SSH2: variants seen among roughly 807,000 people sequenced by gnomAD.
SSH2 encodes protein phosphatase Slingshot homolog 2.
Under a neutral mutation model 135.2 loss-of-function variants are expected in SSH2, and 37 were observed. The ratio of observed to expected loss-of-function variants is 0.27; its 90% confidence interval spans 0.21 to 0.36. SSH2 has a LOEUF of 0.36. SSH2 is among the 10% of genes least tolerant of loss of function. SSH2 has a pLI of 1.00. For synonymous variants in SSH2, 628 were observed against 646.2 expected (o/e 0.97, Z 0.43); for missense variants, 1,408 against 1,765.3 (o/e 0.80, Z 3.63).
chr17:29,809,667 C>A (rs1416752972), intron 2 of SSH2, among the ~76,000 whole-genome samples: 1 of 152,046 alleles, frequency 6.6e-6, no homozygotes, highest in Non-Finnish European at 1.5e-5. Flanking sequence ...GAGATTCCCC[C>A]ACCTCAGCCT....
chr17:29,647,295 C>T (rs112038012), intron 14 of SSH2, among the ~76,000 whole-genome samples: 9 of 149,844 alleles, frequency 6.0e-5, no homozygotes, highest in South Asian at 2.1e-4. Flanking sequence ...AAGGTTGCAG[C>T]GAGCCGAGAC....
chr17:29,654,506 G>A (rs1214600862), intron 12 of SSH2, among the ~76,000 whole-genome samples: 1 of 152,150 alleles, frequency 6.6e-6, no homozygotes, highest in African/African-American at 2.4e-5. Flanking sequence ...TGAGAAAACA[G>A]GCAGCCAGCA....
Position 29,671,972 on chromosome 17 carries a change from A to T in SSH2, c.772T>A (p.Ser258Thr), listed in dbSNP as rs199948915. ...AGAGCTGGAGAGTCGGGCCGGTGGG[A>T]CTGTACATCTTGCATTGCATTCCAT... The part of the protein sequence containing the change: ...NEWNAMQDVQ[S>T]HRPDSPALFT... Residue 258 changes from serine to threonine, a missense_variant, in exon 9 of 16, where the codon TCC becomes ACC. Around this residue, in one of 3 missense-constraint regions of SSH2, gnomAD observed 222 missense variants for 355.6 expected, o/e 0.62. Coordinates refer to ENST00000540801, the MANE Select transcript of SSH2 (RefSeq NM_001282129.2). 1 of 1,614,062 alleles carries T rather than the reference A, an allele frequency of 6.2e-7. No homozygotes were observed. Among genetic ancestry groups the T allele is most frequent in the Non-Finnish European group, 8.5e-7 (1 of 1,179,970 alleles).
At chr17:29,893,000 C>A (rs1489693437) in intron 1 of SSH2, among the ~76,000 whole-genome samples, 1 of 152,090 alleles carries the variant, frequency 6.6e-6, no homozygotes, top group East Asian at 1.9e-4. Flanking sequence ...ACAGTCTCTA[C>A]TTGCTACTTT....
intron 1 of SSH2, among the ~76,000 whole-genome samples, chr17:29,879,413 G>A (rs1303647511): frequency 2.0e-5 from 3 of 146,798 alleles, no homozygotes; most frequent in Non-Finnish European, 4.5e-5. Context: ...TTTTTAGAGC[G>A]CTTTTAGGTT....
intron 14 of SSH2, among the ~76,000 whole-genome samples, chr17:29,637,451 A>AT (rs1245637821): frequency 1.3e-5 from 2 of 151,910 alleles, no homozygotes; most frequent in Non-Finnish European, 2.9e-5. Flanking sequence ...TCCTTAATAC[A>AT]TTTTTCTTGG....
chr17:29,815,736 G>A (rs1280536726), intron 2 of SSH2, among the ~76,000 whole-genome samples: 1 of 152,162 alleles, frequency 6.6e-6, no homozygotes, highest in African/African-American at 2.4e-5. Flanking sequence ...CTCCTTCTTT[G>A]TACAGCAGCT....
In SSH2 at chr17:29,785,918, C is replaced by A. The variant is rs570755375; in HGVS notation, c.188+7976G>T. Among the ~76,000 whole-genome samples, 6 of 152,016 alleles carry A rather than the reference C, an allele frequency of 3.9e-5. No individual in the cohort carries two copies. In the East Asian group the frequency reaches 9.7e-4, roughly 25 times the overall value. On this transcript the variant is annotated intron_variant, in intron 3 of 15. Transcript: ENST00000540801. ...CTCCTGGGTTCACACCATTCTCCTGCCTCAGCCTCCCCAGTAGCTGGGATT... is the reference window on the plus strand; with the variant it reads ...CTCCTGGGTTCACACCATTCTCCTGACTCAGCCTCCCCAGTAGCTGGGATT...
intron 1 of SSH2, among the ~76,000 whole-genome samples, chr17:29,926,569 A>C (rs944690733): frequency 6.6e-6 from 1 of 151,774 alleles, no homozygotes; most frequent in African/African-American, 2.4e-5. Flanking sequence ...AAAAAAAAAA[A>C]AATCTTAAAA....
At chr17:29,698,734 C>A (rs1016585108) in intron 4 of SSH2, among the ~76,000 whole-genome samples, 1 of 152,128 alleles carries the variant, frequency 6.6e-6, no homozygotes, top group Non-Finnish European at 1.5e-5. Flanking sequence ...TAAGCTCAAG[C>A]AATCTGTCTG....
chr17:29,769,477 A>G (rs2041520225), intron 3 of SSH2, among the ~76,000 whole-genome samples: 2 of 152,216 alleles, frequency 1.3e-5, no homozygotes, highest in South Asian at 2.1e-4. Context: ...TCTTGCTACC[A>G]GATCCTTTGG....
rs754975126 is a variant in SSH2 at position 29,677,729 on chromosome 17, G to C, written c.492C>G (p.Thr164=). 7 of 1,613,788 alleles carry C rather than the reference G, an allele frequency of 4.3e-6. No individual in the cohort carries two copies. Among genetic ancestry groups the C allele is most frequent in the Non-Finnish European group, 5.9e-6 (7 of 1,179,744 alleles). ...DFSSNDSSTC[T]MGLVLPLWSD... Reference sequence around the variant, plus strand: ...TCCAGAGAGGCAAAACTAAGCCCATGGTACAAGTGCTACTGCAAGACAAGA... The same window carrying C: ...TCCAGAGAGGCAAAACTAAGCCCATCGTACAAGTGCTACTGCAAGACAAGA... Residue 164 remains threonine, a synonymous_variant, in exon 7 of 16, where the codon ACC becomes ACG. Transcript: ENST00000540801.
intron 1 of SSH2, among the ~76,000 whole-genome samples, chr17:29,851,703 A>T (rs907352215): frequency 3.9e-5 from 6 of 152,110 alleles, no homozygotes; most frequent in South Asian, 2.1e-4. Flanking sequence ...CATGACAAAA[A>T]AAAAATAATA....
In SSH2 at chr17:29,654,573, T is replaced by G. The variant is rs1035306753; in HGVS notation, c.1079+988A>C. Among the ~76,000 whole-genome samples the G allele has an allele frequency of 3.9e-5, 6 of 152,332 alleles. No homozygotes were observed. In the East Asian group the frequency reaches 9.6e-4, roughly 24 times the overall value. ...TATCTCTTTCCACAATGAGTTAGCATGGCAAATTTCAGACCTTATTTTCTC... is the reference window on the plus strand; with the variant it reads ...TATCTCTTTCCACAATGAGTTAGCAGGGCAAATTTCAGACCTTATTTTCTC... On this transcript the variant is annotated intron_variant, in intron 12 of 15. Transcript: ENST00000540801.
chr17:29,760,646 C>T (rs894645550), intron 3 of SSH2, among the ~76,000 whole-genome samples: 5 of 152,066 alleles, frequency 3.3e-5, no homozygotes, highest in African/African-American at 9.7e-5. Flanking sequence ...GAAATCTAGC[C>T]TTCTGGAATC....
chr17:29,676,871 G>A lies in SSH2; in HGVS notation c.563C>T (p.Ser188Leu), dbSNP rs752108731. The change falls in exon 8 of 16, where the codon TCG (serine) becomes TTG (leucine). Residue 188 changes from serine to leucine, a missense_variant. Transcript: ENST00000540801. ...HLDGDGGFSVSTDNRVHIFKP... is the reference protein window; with the variant it reads ...HLDGDGGFSVLTDNRVHIFKP... The stretch of plus-strand genomic sequence containing the variant: ...GAATATGTGAACTCTGTTATCCGTC[G>A]ATACACTGAACCCACTAAGGACAAA... The A allele has an allele frequency of 1.9e-6, 3 of 1,613,632 alleles. No homozygotes were observed. Among genetic ancestry groups the A allele is most frequent in the East Asian group, 4.5e-5 (2 of 44,848 alleles).
chr17:29,653,713 A>G (rs1314909609), intron 12 of SSH2, among the ~76,000 whole-genome samples: 1 of 152,048 alleles, frequency 6.6e-6, no homozygotes, highest in Non-Finnish European at 1.5e-5. Context: ...CAGCCACCTG[A>G]GTAGCTGGGA....
At chr17:29,688,515 C>T (rs761464197) in intron 5 of SSH2, among the ~76,000 whole-genome samples, 1 of 151,830 alleles carries the variant, frequency 6.6e-6, no homozygotes, top group Non-Finnish European at 1.5e-5. Context: ...ACTCTGTTAC[C>T]CAGGCTGGAA....
At chr17:29,664,475 A>T (rs1429497850) in intron 11 of SSH2, among the ~76,000 whole-genome samples, 1 of 152,132 alleles carries the variant, frequency 6.6e-6, no homozygotes. Flanking sequence ...GTTGTCTTCT[A>T]AAATTTTTAA....
Sources: allele counts gnomAD v4.1 joint callset (sites outside exome capture counted in the v4.1 genomes callset), GRCh38; gene constraint gnomAD v4.1.1; regional missense constraint gnomAD v4.1.1; transcripts MANE v1.5; gene names NCBI Gene and HGNC (gene_info 2026-07-23, HGNC 2026-07-21).